The following DNAH6 variants were observed in gnomAD, a reference collection of about 807,000 sequenced individuals.
The protein encoded by DNAH6 is axonemal beta dynein heavy chain 6.
DNAH6 carries 340 observed loss-of-function variants against 491.4 expected under a neutral mutation model. The observed-to-expected ratio is 0.69, with a 90% CI of 0.63 to 0.76. DNAH6 has a LOEUF of 0.76. DNAH6 is among the 30% of genes least tolerant of loss of function. The probability of loss-of-function intolerance (pLI) is 0.00; values close to 1 mark genes in which losing one functional copy is unlikely to be tolerated. For synonymous variants in DNAH6, 1,603 were observed against 1,686.1 expected, an observed-to-expected ratio of 0.95 and a Z score of 1.21; for missense variants, 4,443 against 4,972.2, an observed-to-expected ratio of 0.89 and a Z score of 3.20.
Position 84,733,586 on chromosome 2 carries a change from T to A in DNAH6, c.10342+7T>A, listed in dbSNP as rs916321478. The A allele has an allele frequency of 6.4e-7, 1 of 1,550,416 alleles. No homozygotes were observed. The highest frequency in any genetic ancestry group is 1.4e-5 in the African/African-American group (1 of 73,154). ...CCTATTTCCATACGCTTAGGTAATG[T>A]GACAAAAAGAACCTGCTGAGGAGGC... On this transcript the variant is annotated splice_region_variant and intron_variant, in intron 62 of 76. Transcript: ENST00000389394.
chr2:84,615,314 T>C (rs1039243888), intron 22 of DNAH6, among the ~76,000 whole-genome samples: 1 of 152,160 alleles, frequency 6.6e-6, no homozygotes, highest in Non-Finnish European at 1.5e-5. Context: ...TTTATGTTTT[T>C]GTTTGCTTTG....
intron 68 of DNAH6, among the ~76,000 whole-genome samples, chr2:84,790,817 T>G (rs1307919487): frequency 1.1e-4 from 17 of 152,226 alleles, no homozygotes; most frequent in Admixed American, 1.1e-3. Flanking sequence ...AAAAAAATTT[T>G]AAATAAAGTT....
In DNAH6 at chr2:84,529,171, G is replaced by GTTATTTTTTA. The variant is rs1676912325; in HGVS notation, c.662+7_662+16dup. 8 of 1,518,986 alleles carry GTTATTTTTTA rather than the reference G, an allele frequency of 5.3e-6. No homozygotes were observed. The highest frequency in any genetic ancestry group is 5.0e-5 in the South Asian group (4 of 79,844). 94.1% of individuals were successfully genotyped at this position (1,518,986 alleles called of 1,614,324 possible). ...ATATGATACATATAATCTAAAGTGA[G>GTTATTTTTTA]TTATTTTTTATGATGCAATTTAACA... On this transcript the variant is annotated splice_donor_region_variant and intron_variant, in intron 4 of 76. Transcript: ENST00000389394.
intron 11 of DNAH6, among the ~76,000 whole-genome samples, chr2:84,572,864 C>A (rs1264849585): frequency 3.3e-5 from 5 of 152,146 alleles, no homozygotes; most frequent in African/African-American, 1.2e-4. Flanking sequence ...AATAATATAT[C>A]TTGACACAGT....
At chr2:84,638,226 C>T (rs1209818874) in intron 31 of DNAH6, among the ~76,000 whole-genome samples, 1 of 152,048 alleles carries the variant, frequency 6.6e-6, no homozygotes, top group African/African-American at 2.4e-5. Context: ...GCTACCCAGG[C>T]TGGAACTAAA....
At chr2:84,703,352 G>C in intron 49 of DNAH6, 43 bp from the exon 50 acceptor site, 1 of 1,385,692 alleles carries the variant, frequency 7.2e-7, no homozygotes, top group Middle Eastern at 2.2e-4. Flanking sequence ...TAAACTTAGA[G>C]TTTATAATGC....
intron 3 of DNAH6, 109 bp from the exon 4 acceptor site, chr2:84,528,795 A>G: frequency 9.1e-7 from 1 of 1,102,094 alleles, no homozygotes; most frequent in Non-Finnish European, 1.3e-6. Flanking sequence ...TTTGAGCCCT[A>G]GACATCTCAT....
intron 33 of DNAH6, 146 bp from the exon 34 acceptor site, chr2:84,653,173 C>G: frequency 1.4e-6 from 1 of 708,850 alleles, no homozygotes; most frequent in South Asian, 2.1e-5. Flanking sequence ...TCTGGTACAG[C>G]ACATAGGACA....
intron 42 of DNAH6, among the ~76,000 whole-genome samples, chr2:84,682,203 T>C (rs1050183304): frequency 6.6e-6 from 1 of 152,226 alleles, no homozygotes; most frequent in African/African-American, 2.4e-5. Context: ...CATCTCCATC[T>C]GCTCAGATCC....
At position 84,670,328 on chromosome 2, in the gene DNAH6, T is replaced by C. The variant is rs1452701208; in HGVS notation, c.6307T>C (p.Ser2103Pro). 2 of 1,518,684 alleles carry C rather than the reference T, an allele frequency of 1.3e-6. No individual in the cohort carries two copies. Among genetic ancestry groups the C allele is most frequent in the Non-Finnish European group, 1.8e-6 (2 of 1,126,430 alleles). 94.1% of individuals were successfully genotyped at this position (1,518,684 alleles called of 1,614,324 possible). ...ATTAATTAACTTATTTTAATTTAAG[T>C]CTGTGATTGCAAAAGGATTGCTAAA... The part of the protein sequence containing the change: ...LFTGITGVGK[S>P]VIAKGLLNKI... Residue 2103 changes from serine (S) to proline (P), a missense_variant and splice_region_variant, in exon 39 of 77, where the codon TCT becomes CCT. By Grantham distance (74) the Ser-to-Pro change is moderately conservative. Coordinates refer to ENST00000389394, the MANE Select transcript of DNAH6 (RefSeq NM_001370.2).
Position 84,624,620 on chromosome 2 carries a change from A to T in DNAH6, c.4353A>T (p.Thr1451=), listed in dbSNP as rs750756488. ...ACPRLVITPL[T]DRCYLCLMGA... ...CAAGATTGGTTATTACTCCACTCAC[A>T]GTAAGTTATTGATCACTTGGGTTAA... The change falls in exon 28 of 77, where the codon ACA becomes ACT. Residue 1451 remains threonine (T), a splice_region_variant and synonymous_variant. Coordinates refer to ENST00000389394, the MANE Select transcript of DNAH6 (RefSeq NM_001370.2). 1 of 1,551,132 alleles carries T rather than the reference A, an allele frequency of 6.4e-7. No individual in the cohort carries two copies. The highest frequency in any genetic ancestry group is 2.4e-5 in the East Asian group (1 of 40,912).
chr2:84,630,036 G>T (rs10172566), intron 29 of DNAH6, among the ~76,000 whole-genome samples: 1 of 151,942 alleles, frequency 6.6e-6, no homozygotes, highest in Non-Finnish European at 1.5e-5. Flanking sequence ...TACCTTAGAG[G>T]TTTCCAGGGA....
At chr2:84,763,601 G>T (rs1009817518) in intron 64 of DNAH6, among the ~76,000 whole-genome samples, 2 of 152,130 alleles carry the variant, frequency 1.3e-5, no homozygotes, top group African/African-American at 2.4e-5. Flanking sequence ...CCTTCATGGA[G>T]TGGCTGGTCT....
intron 38 of DNAH6, among the ~76,000 whole-genome samples, chr2:84,669,869 C>T (rs1229847948): frequency 6.6e-6 from 1 of 152,124 alleles, no homozygotes; most frequent in Non-Finnish European, 1.5e-5. Context: ...CAGCTCATCC[C>T]CTCTGGCCTG....
At chr2:84,559,564 ATG>A (rs1680435128) in intron 11 of DNAH6, among the ~76,000 whole-genome samples, 1 of 152,184 alleles carries the variant, frequency 6.6e-6, no homozygotes, top group Non-Finnish European at 1.5e-5. Flanking sequence ...AATCAAATAA[ATG>A]AGAGTATATC....
the DNAH6 span, among the ~76,000 whole-genome samples, chr2:84,495,680 A>G: frequency 1.3e-5 from 2 of 152,226 alleles, no homozygotes; most frequent in Non-Finnish European, 2.9e-5. Context: ...TTCAGATTTA[A>G]GAAACCATTG....
intron 14 of DNAH6, among the ~76,000 whole-genome samples, chr2:84,581,808 T>G (rs1683060556): frequency 6.6e-6 from 1 of 152,222 alleles, no homozygotes; most frequent in South Asian, 2.1e-4. Flanking sequence ...TTGAAAGGAC[T>G]TAATGGGCAA....
Position 84,595,754 on chromosome 2 carries a change from C to T in DNAH6, c.2833C>T (p.Gln945Ter), listed in dbSNP as rs1558769928. 1.9e-6 allele frequency: 3 copies of T among 1,548,384 alleles called. No homozygotes were observed. Among genetic ancestry groups the T allele is most frequent in the Non-Finnish European group, 2.6e-6 (3 of 1,146,044 alleles). Residue 945 changes from glutamine (Q) to a stop codon, truncating the protein, a stop_gained, in exon 18 of 77, where the codon CAG becomes TAG. Coordinates refer to ENST00000389394, the MANE Select transcript of DNAH6 (RefSeq NM_001370.2). LOFTEE classifies it high-confidence loss of function. Reference protein sequence around the residue: ...KGLPPNSVVPQLKYKVEKMKE... With the variant: ...KGLPPNSVVP The stretch of plus-strand genomic sequence containing the variant: ...CTTGCCACCCAACAGTGTAGTGCCC[C>T]AGCTCAAATACAAGGTGGAAAAAAT...
chr2:84,689,461 T>A (rs1694627272), intron 45 of DNAH6, among the ~76,000 whole-genome samples: 1 of 152,190 alleles, frequency 6.6e-6, no homozygotes, highest in South Asian at 2.1e-4. Flanking sequence ...CTGGAGCATC[T>A]CCGCCTCCAT....
Sources: allele counts gnomAD v4.1 joint callset (sites outside exome capture counted in the v4.1 genomes callset), GRCh38; gene constraint gnomAD v4.1.1; transcripts MANE v1.5; gene names NCBI Gene and HGNC (gene_info 2026-07-23, HGNC 2026-07-21).